CNBD1: variants seen among roughly 807,000 people sequenced by gnomAD.
CNBD1 encodes cyclic nucleotide binding domain containing 1.
CNBD1 carries 71 observed loss-of-function variants against 54.4 expected under a neutral mutation model. The observed-to-expected ratio is 1.30, with a 90% CI of 1.08 to 1.59. CNBD1 has a LOEUF of 1.59. CNBD1 is among the 40% of genes most tolerant of loss of function. The pLI is 0.00. For missense variants in CNBD1, 659 were observed against 518.0 expected (o/e 1.27, Z -2.64); for synonymous variants, 182 against 170.7 (o/e 1.07, Z -0.51).
At chr8:86,931,262 C>T (rs1243219234) in intron 3 of CNBD1, among the ~76,000 whole-genome samples, 5 of 152,142 alleles carry the variant, frequency 3.3e-5, no homozygotes, top group Non-Finnish European at 7.3e-5. Flanking sequence ...AGGAAGAAGT[C>T]AATTTCCTGG....
At chr8:87,366,474 T>A (rs1489404980) in intron 10 of CNBD1, among the ~76,000 whole-genome samples, 1 of 152,090 alleles carries the variant, frequency 6.6e-6, no homozygotes, top group Non-Finnish European at 1.5e-5. Flanking sequence ...TGAATCTTTC[T>A]CTTCCCTGCC....
At chr8:87,119,405 G>C (rs1811846407) in intron 4 of CNBD1, among the ~76,000 whole-genome samples, 1 of 151,642 alleles carries the variant, frequency 6.6e-6, no homozygotes, top group African/African-American at 2.4e-5. Flanking sequence ...TGTAGAAATG[G>C]TACTGATTTT....
chr8:86,977,521 AAAT>A (rs146440530), intron 4 of CNBD1, among the ~76,000 whole-genome samples: 1,673 of 152,238 alleles, frequency 0.011, 27 homozygotes, highest in Middle Eastern at 0.041. Context: ...GACTCAAGTA[AAAT>A]CAGAAATCAA....
At chr8:87,228,528 G>A (rs931117522) in intron 5 of CNBD1, among the ~76,000 whole-genome samples, 2 of 150,140 alleles carry the variant, frequency 1.3e-5, no homozygotes, top group Non-Finnish European at 2.9e-5. Flanking sequence ...CCCCTGCTGG[G>A]GGGTGCCTCC....
At chr8:86,880,758 A>G (rs1383391230) in intron 1 of CNBD1, among the ~76,000 whole-genome samples, 1 of 151,072 alleles carries the variant, frequency 6.6e-6, no homozygotes, top group East Asian at 1.9e-4. Context: ...CTTTATGAAC[A>G]GCAATGAAAA....
At chr8:87,410,212 C>A (rs774833076) in intron 2 of CNBD1, among the ~76,000 whole-genome samples, 1 of 152,092 alleles carries the variant, frequency 6.6e-6, no homozygotes, top group Non-Finnish European at 1.5e-5. Context: ...TGATGGAGAT[C>A]CACATGCCTG....
intron 4 of CNBD1, among the ~76,000 whole-genome samples, chr8:87,105,600 G>C (rs151166759): frequency 6.6e-6 from 1 of 152,270 alleles, no homozygotes; most frequent in African/African-American, 2.4e-5. Flanking sequence ...TGGAAAAGAC[G>C]TGGGCTTTCT....
intron 8 of CNBD1, among the ~76,000 whole-genome samples, chr8:87,345,951 T>C (rs1214507714): frequency 7.2e-6 from 1 of 138,508 alleles, no homozygotes; most frequent in African/African-American, 2.5e-5. Context: ...AAATGCATAG[T>C]TCTTTGAAAT....
chr8:87,311,203 A>T (rs1809255875), intron 8 of CNBD1, among the ~76,000 whole-genome samples: 1 of 152,122 alleles, frequency 6.6e-6, no homozygotes, highest in Non-Finnish European at 1.5e-5. Flanking sequence ...CAATATATCC[A>T]ACAAAGGTCT....
At chr8:86,885,543 T>C (rs1231430212) in intron 1 of CNBD1, among the ~76,000 whole-genome samples, 4 of 152,224 alleles carry the variant, frequency 2.6e-5, no homozygotes, top group Non-Finnish European at 4.4e-5. Flanking sequence ...TTTATACTCT[T>C]TGAACCTCTT....
chr8:87,301,483 A>G (rs1808991225), intron 8 of CNBD1, among the ~76,000 whole-genome samples: 1 of 151,460 alleles, frequency 6.6e-6, no homozygotes, highest in East Asian at 1.9e-4. Flanking sequence ...CAACATATCA[A>G]AAAGATAATC....
chr8:87,294,561 C>A (rs1369090490), intron 8 of CNBD1, among the ~76,000 whole-genome samples: 1 of 152,160 alleles, frequency 6.6e-6, no homozygotes, highest in Admixed American at 6.5e-5. Context: ...TATATATGTT[C>A]AGAGGAGAGT....
chr8:86,996,331 A>G (rs1224801658), intron 4 of CNBD1, among the ~76,000 whole-genome samples: 1 of 152,130 alleles, frequency 6.6e-6, no homozygotes, highest in African/African-American at 2.4e-5. Flanking sequence ...GCTTCCTATA[A>G]AAAGGGCTTG....
chr8:87,223,094 T>A (rs987917051), intron 5 of CNBD1, among the ~76,000 whole-genome samples: 3 of 150,544 alleles, frequency 2.0e-5, no homozygotes, highest in African/African-American at 7.3e-5. Flanking sequence ...ATTATAAAAA[T>A]TTCCAGACTT....
chr8:87,353,570 A>C, intron 9 of CNBD1, 66 bp from the exon 10 acceptor site: 1 of 1,057,424 alleles, frequency 9.5e-7, no homozygotes, highest in Non-Finnish European at 1.4e-6. Context: ...GTTTCTGATA[A>C]AAACAATACT....
At chr8:87,181,133 C>T (rs1253241170) in intron 4 of CNBD1, among the ~76,000 whole-genome samples, 1 of 152,176 alleles carries the variant, frequency 6.6e-6, no homozygotes, top group Non-Finnish European at 1.5e-5. Flanking sequence ...TTTCTATCAT[C>T]ATTTTAAAGA....
chr8:87,171,704 T>C (rs776668910), intron 4 of CNBD1, among the ~76,000 whole-genome samples: 5 of 152,072 alleles, frequency 3.3e-5, no homozygotes, highest in Non-Finnish European at 4.4e-5. Context: ...AGTGACATGA[T>C]CTCAGCTCAC....
At chr8:87,044,472 A>G (rs1810139721) in intron 4 of CNBD1, 1 of 152,172 alleles carries the variant, frequency 6.6e-6, no homozygotes, top group South Asian at 2.1e-4. Flanking sequence ...GAGTGAGGTT[A>G]GAGCAAAAGT....
chr8:87,422,330 T>C (rs1807954656), intron 2 of CNBD1, among the ~76,000 whole-genome samples: 2 of 147,738 alleles, frequency 1.4e-5, no homozygotes, highest in South Asian at 2.1e-4. Flanking sequence ...TTTGGTGTTT[T>C]AGACATGAAG....
Sources: gnomAD v4.1 joint callset for allele counts (sites outside exome capture counted in the v4.1 genomes callset) on GRCh38, gnomAD v4.1.1 for gene constraint, MANE v1.5 for transcripts, NCBI Gene and HGNC (gene_info 2026-07-23, HGNC 2026-07-21) for gene names.